The following MAK variants were observed in gnomAD, a reference collection of about 807,000 sequenced individuals.
MAK encodes the protein serine/threonine-protein kinase MAK.
A neutral mutation model predicts 82.6 loss-of-function variants in MAK; 65 were observed. The observed-to-expected ratio is 0.79, with a 90% CI of 0.64 to 0.97. The LOEUF is 0.97. Among genes scored for constraint, MAK ranks in the 50% least tolerant of loss-of-function variants. The probability of loss-of-function intolerance (pLI) is 0.00; values close to 1 mark genes in which losing one functional copy is unlikely to be tolerated. For synonymous variants in MAK, 250 were observed against 274.2 expected (o/e 0.91, Z 0.87); for missense variants, 703 against 780.2 (o/e 0.90, Z 1.18).
At chr6:10,815,557 A>C (rs1777400277) in intron 4 of MAK, among the ~76,000 whole-genome samples, 2 of 152,106 alleles carry the variant, frequency 1.3e-5, no homozygotes, top group Admixed American at 1.3e-4. Flanking sequence ...CAAGAGGTCG[A>C]GGCTACAGTG....
chr6:10,774,855 G>A (rs1773331500), intron 12 of MAK, among the ~76,000 whole-genome samples: 1 of 152,234 alleles, frequency 6.6e-6, no homozygotes, highest in South Asian at 2.1e-4. Context: ...TAGCCAGTGA[G>A]AAGTCTTCTT....
chr6:10,813,643 C>A lies in MAK; in HGVS notation c.358+1G>T. ...GGAAATTAAACTTAAAAGAAACCTA[C>A]CATGTTTATGGATAAAAGCCAGCCC... On this transcript the variant is annotated splice_donor_variant, in intron 5 of 14. Coordinates refer to ENST00000354489, the MANE Select transcript of MAK (RefSeq NM_001242957.3). LOFTEE classifies it high-confidence loss of function. 6.4e-7 allele frequency: 1 copy of A among 1,555,368 alleles called. No individual in the cohort carries two copies. The highest frequency in any genetic ancestry group is 1.1e-5 in the South Asian group (1 of 89,804).
At chr6:10,802,197 G>T in intron 7 of MAK, 138 bp from the exon 8 acceptor site, 6 of 651,474 alleles carry the variant, frequency 9.2e-6, no homozygotes, top group Non-Finnish European at 1.6e-5. Flanking sequence ...ACATGAAAAT[G>T]AAATACCAGA....
chr6:10,821,085 A>G (rs1230385217), intron 2 of MAK, among the ~76,000 whole-genome samples: 1 of 151,828 alleles, frequency 6.6e-6, no homozygotes, highest in Non-Finnish European at 1.5e-5. Context: ...GGTAGCTGGG[A>G]CTATAGGTAC....
chr6:10,778,381 C>G (rs532460284), intron 11 of MAK, among the ~76,000 whole-genome samples: 5 of 152,260 alleles, frequency 3.3e-5, no homozygotes, highest in African/African-American at 9.6e-5. Flanking sequence ...TTCAAATAAG[C>G]AATTTTAAGC....
At chr6:10,778,989 A>G (rs1181625168) in intron 11 of MAK, among the ~76,000 whole-genome samples, 1 of 151,890 alleles carries the variant, frequency 6.6e-6, no homozygotes, top group Non-Finnish European at 1.5e-5. Flanking sequence ...TTAGCTGGGC[A>G]TGGTGGCGTG....
chr6:10,791,638 T>G lies in MAK; in HGVS notation c.1316+37A>C, dbSNP rs201395733. 2.5e-6 allele frequency: 4 copies of G among 1,586,104 alleles called. No individual in the cohort carries two copies. In the South Asian group the frequency reaches 4.4e-5, roughly 18 times the overall value. On this transcript the variant is annotated intron_variant, in intron 10 of 14. Transcript: ENST00000354489. ...TAATGAGTAAAATAAAGTTAATGCA[T>G]GGCAAAAATATTTTTCTGAGGAATT...
intron 13 of MAK, among the ~76,000 whole-genome samples, chr6:10,771,353 T>C (rs1221983032): frequency 6.6e-6 from 1 of 151,902 alleles, no homozygotes. Flanking sequence ...AAAAAAGGAA[T>C]GGGAGATGAG....
chr6:10,797,039 T>C (rs1192563536), intron 8 of MAK, among the ~76,000 whole-genome samples: 5 of 152,058 alleles, frequency 3.3e-5, no homozygotes, highest in South Asian at 2.1e-4. Flanking sequence ...ATCTTCCATA[T>C]AGATTATTTG....
Position 10,818,936 on chromosome 6 carries a change from T to C in MAK, c.106A>G (p.Lys36Glu). The stretch of plus-strand genomic sequence containing the variant: ...TCATCCCAAGAATAGAACTTTCTCT[T>C]CATCCTAAAATAAATTAGGGAAAGT... ...SGELVAIKRM[K>E]RKFYSWDECM... Residue 36 changes from lysine (K) to glutamate (E), a missense_variant, in exon 3 of 15, where the codon AAG (lysine) becomes GAG (glutamate). Physicochemically the swap from Lys to Glu is moderately conservative, Grantham distance 56. Transcript: ENST00000354489. 6.4e-7 allele frequency: 1 copy of C among 1,563,500 alleles called. No individual in the cohort carries two copies.
intron 2 of MAK, among the ~76,000 whole-genome samples, chr6:10,830,243 G>A (rs1197566026): frequency 6.6e-6 from 1 of 150,820 alleles, no homozygotes; most frequent in Non-Finnish European, 1.5e-5. Context: ...TCAGCTCACT[G>A]CAACTTCCAC....
At chr6:10,806,547 C>T (rs1385868387) in intron 6 of MAK, among the ~76,000 whole-genome samples, 9 of 134,666 alleles carry the variant, frequency 6.7e-5, no homozygotes, top group Admixed American at 3.3e-4. Context: ...TTAGTAGAGA[C>T]GGGGTTTCAC....
At chr6:10,766,807 G>A (rs1459986212) in intron 14 of MAK, among the ~76,000 whole-genome samples, 1 of 152,162 alleles carries the variant, frequency 6.6e-6, no homozygotes, top group Non-Finnish European at 1.5e-5. Flanking sequence ...GCTTTGGGGA[G>A]TAACAAAAAG....
At chr6:10,791,283 T>G (rs912305095) in intron 10 of MAK, among the ~76,000 whole-genome samples, 1 of 152,204 alleles carries the variant, frequency 6.6e-6, no homozygotes, top group Non-Finnish European at 1.5e-5. Context: ...TTTCTTTTTT[T>G]TGAGACAGAG....
chr6:10,779,666 T>G (rs1347509597), intron 11 of MAK, among the ~76,000 whole-genome samples: 2 of 152,138 alleles, frequency 1.3e-5, no homozygotes, highest in African/African-American at 4.8e-5. Flanking sequence ...TAAATAAATG[T>G]CAAGGATTGT....
rs757413653 is a variant in MAK at position 10,803,689 on chromosome 6, G to T, written c.663+31C>A. Reference sequence around the variant, plus strand: ...AGTAGCAAGATAGAAATAATCAAAAGTTATAGCAACTTAGGGACAAGAGTA... The same window carrying T: ...AGTAGCAAGATAGAAATAATCAAAATTTATAGCAACTTAGGGACAAGAGTA... On this transcript the variant is annotated intron_variant, in intron 7 of 14. Transcript: ENST00000354489. The T allele has an allele frequency of 1.4e-5, 23 of 1,590,310 alleles. 1 individual carries two copies. The South Asian group carries it at 2.5e-4, about 18-fold the overall frequency.
intron 6 of MAK, among the ~76,000 whole-genome samples, chr6:10,805,542 G>A (rs1649103940): frequency 1.3e-5 from 2 of 150,622 alleles, no homozygotes; most frequent in South Asian, 2.1e-4. Flanking sequence ...AGCCGAGATC[G>A]TGCCACTGCA....
Position 10,791,812 on chromosome 6 carries a change from C to G in MAK, c.1179G>C (p.Arg393Ser), listed in dbSNP as rs1454836195. Residue 393 changes from arginine to serine, a missense_variant, in exon 10 of 15, where the codon AGG becomes AGC. Arg to Ser is a moderately radical substitution (Grantham distance 110, BLOSUM62 -1). Coordinates refer to ENST00000354489, the MANE Select transcript of MAK (RefSeq NM_001242957.3). ...TGAAGATAGTCTGACCCCAACGCCT[C>G]CTACCACTTTTATGACTCAGTGTGC... ...PNGTLSHKSG[R>S]RRWGQTIFKS... 6.2e-7 allele frequency: 1 copy of G among 1,614,150 alleles called. No individual in the cohort carries two copies. The highest frequency in any genetic ancestry group is 2.2e-5 in the East Asian group (1 of 44,884).
chr6:10,806,674 G>A (rs1472976196), intron 6 of MAK, among the ~76,000 whole-genome samples: 3 of 151,628 alleles, frequency 2.0e-5, no homozygotes, highest in East Asian at 1.9e-4. Context: ...TGTATTTTTA[G>A]TAGAGACTGG....
Sources: allele counts gnomAD v4.1 joint callset (sites outside exome capture counted in the v4.1 genomes callset), GRCh38; gene constraint gnomAD v4.1.1; transcripts MANE v1.5; gene names NCBI Gene and HGNC (gene_info 2026-07-23, HGNC 2026-07-21).